Variants in PTPRG observed in about 807,000 individuals in gnomAD.
PTPRG encodes the protein receptor-type tyrosine-protein phosphatase gamma.
A neutral mutation model predicts 165.3 loss-of-function variants in PTPRG; 102 were observed. The observed-to-expected ratio is 0.62, with a 90% CI of 0.53 to 0.73. The LOEUF (loss-of-function observed/expected upper bound fraction) is 0.73, where lower values mean the gene tolerates loss of function less well. Among genes scored for constraint, PTPRG ranks in the 30% least tolerant of loss-of-function variants. The pLI, the probability that PTPRG is intolerant of heterozygous loss-of-function variation, is 0.00. For missense variants in PTPRG, 1,866 were observed against 1,861.4 expected (o/e 1.00, Z -0.05); for synonymous variants, 675 against 669.5 (o/e 1.01, Z -0.13).
chr3:62,124,339 G>T (rs1703203249), intron 5 of PTPRG: 30 of 1,612,102 alleles, frequency 1.9e-5, no homozygotes, highest in Non-Finnish European at 2.4e-5. Context: ...CGGGTCTCTG[G>T]TGATGCAGGC....
At chr3:62,023,355 C>T (rs2041741541) in intron 4 of PTPRG, among the ~76,000 whole-genome samples, 1 of 152,180 alleles carries the variant, frequency 6.6e-6, no homozygotes, top group Non-Finnish European at 1.5e-5. Context: ...CTCAACTCTT[C>T]ATTAGCAGTG....
chr3:61,914,382 C>G (rs1420699003), intron 2 of PTPRG, among the ~76,000 whole-genome samples: 1 of 152,180 alleles, frequency 6.6e-6, no homozygotes, highest in African/African-American at 2.4e-5. Flanking sequence ...CTGCTCCCTG[C>G]TCATTTCTAG....
At chr3:62,172,695 G>T (rs1705263606) in intron 8 of PTPRG, among the ~76,000 whole-genome samples, 2 of 152,144 alleles carry the variant, frequency 1.3e-5, no homozygotes, top group Non-Finnish European at 2.9e-5. Context: ...AAGAGCCAAA[G>T]CATGGAACAA....
intron 2 of PTPRG, among the ~76,000 whole-genome samples, chr3:61,979,991 C>G (rs2040602118): frequency 6.6e-6 from 1 of 152,016 alleles, no homozygotes; most frequent in Non-Finnish European, 1.5e-5. Context: ...CTCAGCCCTC[C>G]TAAACACCAA....
chr3:62,092,467 A>AC (rs1701977475), intron 5 of PTPRG, among the ~76,000 whole-genome samples: 1 of 149,816 alleles, frequency 6.7e-6, no homozygotes, highest in Non-Finnish European at 1.5e-5. Context: ...AAAGAAAAAG[A>AC]CAAGGACCTT....
intron 2 of PTPRG, among the ~76,000 whole-genome samples, chr3:61,759,281 C>T (rs944408629): frequency 3.9e-5 from 6 of 152,192 alleles, no homozygotes; most frequent in African/African-American, 1.2e-4. Context: ...GTGTATATAA[C>T]ATAGAACTTT....
Position 62,146,352 on chromosome 3 carries a change from A to G in PTPRG, c.683-10715A>G, listed in dbSNP as rs1263454442. Among the ~76,000 whole-genome samples the G allele has an allele frequency of 2.6e-5, 4 of 152,190 alleles. No homozygotes were observed. The East Asian group carries it at 7.7e-4, about 29-fold the overall frequency. ...GTGGGGTGGCTATTCATGACCTTGG[A>G]TTGCTCTTCTCCAGGTGCTTCAAGA... On this transcript the variant is annotated intron_variant, in intron 6 of 29. Transcript: ENST00000474889.
At chr3:61,841,640 C>G (rs2036636639) in intron 2 of PTPRG, among the ~76,000 whole-genome samples, 1 of 151,882 alleles carries the variant, frequency 6.6e-6, no homozygotes, top group Non-Finnish European at 1.5e-5. Context: ...GGAAATGGCA[C>G]CACAAAAGAA....
At chr3:62,247,384 A>C (rs2106960936) in intron 15 of PTPRG, among the ~76,000 whole-genome samples, 1 of 152,304 alleles carries the variant, frequency 6.6e-6, no homozygotes, top group East Asian at 1.9e-4. Context: ...CATTAAATCA[A>C]GGCATTTTCA....
At chr3:62,029,729 A>T (rs1699701847) in intron 4 of PTPRG, among the ~76,000 whole-genome samples, 1 of 152,340 alleles carries the variant, frequency 6.6e-6, no homozygotes, top group Non-Finnish European at 1.5e-5. Flanking sequence ...ATTCACACAC[A>T]TTAACAGAAC....
intron 4 of PTPRG, among the ~76,000 whole-genome samples, chr3:62,019,995 T>A (rs1003543571): frequency 2.0e-5 from 3 of 151,764 alleles, no homozygotes; most frequent in Non-Finnish European, 4.4e-5. Flanking sequence ...GAGTCTAACA[T>A]CTTCTTGATA....
intron 2 of PTPRG, among the ~76,000 whole-genome samples, chr3:61,929,575 T>C (rs1403947152): frequency 6.6e-6 from 1 of 152,194 alleles, no homozygotes; most frequent in Admixed American, 6.5e-5. Flanking sequence ...AGTTTTTCAT[T>C]GTGGATTACT....
At chr3:62,289,684 A>G (rs1345497350) in intron 28 of PTPRG, among the ~76,000 whole-genome samples, 1 of 145,496 alleles carries the variant, frequency 6.9e-6, no homozygotes, top group African/African-American at 2.5e-5. Context: ...CAATAAAACA[A>G]CACCCATTCA....
intron 2 of PTPRG, among the ~76,000 whole-genome samples, chr3:61,878,921 G>A (rs1215372138): frequency 6.6e-6 from 1 of 152,082 alleles, no homozygotes; most frequent in African/African-American, 2.4e-5. Context: ...TACTAGTAAG[G>A]CGTCTTATTT....
intron 1 of PTPRG, among the ~76,000 whole-genome samples, chr3:61,577,380 A>G (rs887979420): frequency 6.6e-6 from 1 of 152,168 alleles, no homozygotes; most frequent in Non-Finnish European, 1.5e-5. Context: ...TGAAATGTCT[A>G]TAGAGCTCTC....
At chr3:61,732,964 T>C (rs534855380) in intron 1 of PTPRG, among the ~76,000 whole-genome samples, 1 of 152,318 alleles carries the variant, frequency 6.6e-6, no homozygotes, top group Non-Finnish European at 1.5e-5. Context: ...GAATTCTCTT[T>C]ACAAGCCTTG....
chr3:61,628,061 C>G (rs148357649), intron 1 of PTPRG, among the ~76,000 whole-genome samples: 1 of 152,324 alleles, frequency 6.6e-6, no homozygotes, highest in Non-Finnish European at 1.5e-5. Context: ...TATGGACAGA[C>G]AGATATATCC....
At chr3:62,206,557 G>A (rs1243423899) in intron 12 of PTPRG, among the ~76,000 whole-genome samples, 2 of 152,176 alleles carry the variant, frequency 1.3e-5, no homozygotes, top group Non-Finnish European at 2.9e-5. Context: ...TGGTGACTGT[G>A]AGGAGGCCCC....
chr3:61,698,421 G>A (rs1453403801), intron 1 of PTPRG, among the ~76,000 whole-genome samples: 1 of 152,132 alleles, frequency 6.6e-6, no homozygotes, highest in Non-Finnish European at 1.5e-5. Flanking sequence ...AAGTGAATGG[G>A]TGTGGCTTTG....
Sources: gnomAD v4.1 joint callset for allele counts (sites outside exome capture counted in the v4.1 genomes callset) on GRCh38, gnomAD v4.1.1 for gene constraint, MANE v1.5 for transcripts, NCBI Gene and HGNC (gene_info 2026-07-23, HGNC 2026-07-21) for gene names.